The following MAP3K3 variants were observed in gnomAD, a reference collection of about 807,000 sequenced individuals.
MAP3K3 encodes the protein MAP/ERK kinase kinase 3.
A neutral mutation model predicts 80.9 loss-of-function variants in MAP3K3; 12 were observed. The observed-to-expected ratio is 0.15, with a 90% CI of 0.10 to 0.24. The LOEUF (loss-of-function observed/expected upper bound fraction) is 0.24, where lower values mean the gene tolerates loss of function less well. Ranked by LOEUF, MAP3K3 falls within the 10% of genes least tolerant of loss-of-function variation. The pLI is 1.00. For missense variants in MAP3K3, 596 were observed against 834.7 expected (o/e 0.71, Z 3.52); for synonymous variants, 272 against 307.1 (o/e 0.89, Z 1.19).
intron 8 of MAP3K3, among the ~76,000 whole-genome samples, chr17:63,687,337 C>G (rs1360741839): frequency 6.9e-6 from 1 of 145,074 alleles, no homozygotes; most frequent in Non-Finnish European, 1.5e-5. Context: ...AACCCTGTCT[C>G]TACTAAAAAA....
intron 8 of MAP3K3, among the ~76,000 whole-genome samples, chr17:63,686,557 A>G (rs1023487053): frequency 3.9e-5 from 6 of 152,186 alleles, no homozygotes; most frequent in Non-Finnish European, 8.8e-5. Flanking sequence ...TGGAGGGGAA[A>G]GGGGAGAGAA....
In MAP3K3 at chr17:63,692,396, C is replaced by G. The variant is rs1478606760; in HGVS notation, c.1629C>G (p.Gly543=). 1 of 1,608,502 alleles carries G rather than the reference C, an allele frequency of 6.2e-7. No homozygotes were observed. Among genetic ancestry groups the G allele is most frequent in the Admixed American group, 1.7e-5 (1 of 59,142 alleles). The change falls in exon 15 of 16, where the codon GGC becomes GGG. Residue 543 remains glycine, a synonymous_variant. Coordinates refer to ENST00000361733, the MANE Select transcript of MAP3K3 (RefSeq NM_002401.5). This position sits in a 1 kb window ranked among gnomAD's most constrained non-coding sequence, Gnocchi z 4.5. ...GCCCTGAGGTGATCAGCGGCGAGGG[C>G]TATGGAAGGAAAGCAGACGTGTGGT... is the stretch of plus-strand genomic sequence containing the variant. ...WMSPEVISGE[G]YGRKADVWSL...
At chr17:63,659,333 CAATG>C (rs1418619912) in intron 5 of MAP3K3, among the ~76,000 whole-genome samples, 2 of 152,036 alleles carry the variant, frequency 1.3e-5, no homozygotes, top group African/African-American at 4.8e-5. Flanking sequence ...TTAAGAGTAA[CAATG>C]GTAATGTTTG....
At chr17:63,663,638 C>T (rs745670249) in intron 5 of MAP3K3, among the ~76,000 whole-genome samples, 6 of 152,148 alleles carry the variant, frequency 3.9e-5, no homozygotes, top group African/African-American at 7.2e-5. Flanking sequence ...GGATGAACTC[C>T]TTGAATATTG....
intron 2 of MAP3K3, among the ~76,000 whole-genome samples, chr17:63,641,953 G>C (rs1204266649): frequency 6.6e-6 from 1 of 152,160 alleles, no homozygotes; most frequent in Non-Finnish European, 1.5e-5. Context: ...AAATAGAGTT[G>C]GCCACCCACC....
At chr17:63,672,018 C>T in intron 6 of MAP3K3, among the ~76,000 whole-genome samples, 1 of 151,574 alleles carries the variant, frequency 6.6e-6, no homozygotes, top group East Asian at 1.9e-4. Context: ...TTTGGTGGCT[C>T]ACATCTGTAA....
chr17:63,686,706 G>A (rs926448746), intron 8 of MAP3K3, among the ~76,000 whole-genome samples: 1 of 152,138 alleles, frequency 6.6e-6, no homozygotes, highest in African/African-American at 2.4e-5. Flanking sequence ...TCAGGTGGGT[G>A]CTGGGAAAGA....
chr17:63,646,987 C>T (rs747585379), intron 3 of MAP3K3, among the ~76,000 whole-genome samples: 7 of 152,166 alleles, frequency 4.6e-5, no homozygotes, highest in Non-Finnish European at 7.3e-5. Flanking sequence ...GAAGAGCATA[C>T]CCATTAGTAT....
intron 6 of MAP3K3, among the ~76,000 whole-genome samples, chr17:63,678,174 G>A (rs777007673): frequency 6.6e-6 from 1 of 152,046 alleles, no homozygotes; most frequent in Non-Finnish European, 1.5e-5. Flanking sequence ...TTCCCTCTGC[G>A]CAATGTGGAT....
intron 2 of MAP3K3, among the ~76,000 whole-genome samples, chr17:63,640,223 C>T (rs549421788): frequency 8.5e-5 from 13 of 152,210 alleles, no homozygotes; most frequent in East Asian, 1.9e-4. Flanking sequence ...AAATCTGTAG[C>T]GCACAGTGAT....
intron 5 of MAP3K3, among the ~76,000 whole-genome samples, chr17:63,660,565 A>ATTCTTCTTCTTCTTC (rs113456141): frequency 1.4e-5 from 2 of 144,204 alleles, no homozygotes; most frequent in African/African-American, 5.2e-5. Context: ...TTCTCTTTGG[A>ATTCTTCTTCTTCTTC]TTCTTCTTCT....
chr17:63,687,439 G>C (rs2035477770), intron 8 of MAP3K3, among the ~76,000 whole-genome samples: 1 of 151,686 alleles, frequency 6.6e-6, no homozygotes, highest in Non-Finnish European at 1.5e-5. Flanking sequence ...TTGAACCCAG[G>C]AGGCGGAGGT....
Position 63,693,341 on chromosome 17 carries a change from T to C in MAP3K3, c.1653-208T>C, listed in dbSNP as rs1416710040. 6.6e-6 allele frequency among the ~76,000 whole-genome samples: 1 copy of C among 152,202 alleles called. No homozygotes were observed. Among genetic ancestry groups the C allele is most frequent in the Non-Finnish European group, 1.5e-5 (1 of 68,038 alleles). On this transcript the variant is annotated intron_variant, in intron 15 of 15. Coordinates refer to ENST00000361733, the MANE Select transcript of MAP3K3 (RefSeq NM_002401.5). The surrounding 1 kb of genome is among the most constrained non-coding windows in gnomAD (Gnocchi z 4.2). ...TCTGTCAAGTCTAAGTGATTCTCTT[T>C]TTCCTTATTTCAAGAAGTACCCAGG...
intron 4 of MAP3K3, among the ~76,000 whole-genome samples, chr17:63,655,074 TAAAGG>T (rs926377995): frequency 2.0e-5 from 3 of 151,914 alleles, no homozygotes; most frequent in Non-Finnish European, 4.4e-5. Flanking sequence ...AATAAACAAA[TAAAGG>T]AAAGAGGTTT....
At chr17:63,638,955 G>A (rs762267894) in intron 2 of MAP3K3, among the ~76,000 whole-genome samples, 2 of 152,088 alleles carry the variant, frequency 1.3e-5, no homozygotes, top group African/African-American at 2.4e-5. Context: ...GTACTTGGGA[G>A]GCGGAGGTTG....
At chr17:63,632,993 C>T (rs578234504) in intron 2 of MAP3K3, among the ~76,000 whole-genome samples, 191 bp downstream of exon 2, 3 of 152,168 alleles carry the variant, frequency 2.0e-5, no homozygotes, top group Admixed American at 1.3e-4. Context: ...ATTGGGAGGC[C>T]GAGGCAGGCG....
chr17:63,659,559 GTC>G (rs1356556496), intron 5 of MAP3K3, among the ~76,000 whole-genome samples: 1 of 133,922 alleles, frequency 7.5e-6, no homozygotes, highest in Non-Finnish European at 1.5e-5. Flanking sequence ...TGGAGATGGA[GTC>G]TCACTCTGTC....
At chr17:63,626,797 T>A (rs1219440064) in intron 1 of MAP3K3, among the ~76,000 whole-genome samples, 3 of 152,216 alleles carry the variant, frequency 2.0e-5, no homozygotes, top group Admixed American at 1.3e-4. Context: ...GGCAGTGCGA[T>A]CAGACGATCT....
At chr17:63,686,132 G>A (rs990715921) in intron 8 of MAP3K3, among the ~76,000 whole-genome samples, 1 of 152,190 alleles carries the variant, frequency 6.6e-6, no homozygotes, top group African/African-American at 2.4e-5. Flanking sequence ...TATGTTTGGA[G>A]AGGCCTTGGC....
Sources: gnomAD v4.1 joint callset for allele counts (sites outside exome capture counted in the v4.1 genomes callset) on GRCh38, gnomAD v4.1.1 for gene constraint, Gnocchi (gnomAD v3.1) non-coding constraint, MANE v1.5 for transcripts, NCBI Gene and HGNC (gene_info 2026-07-23, HGNC 2026-07-21) for gene names.